Variants in SLC5A6 observed in about 807,000 individuals in gnomAD.
The protein encoded by SLC5A6 is solute carrier family 5 member 6.
Under a neutral mutation model 67.9 loss-of-function variants are expected in SLC5A6, and 31 were observed. That is an observed-to-expected ratio of 0.46 (90% CI 0.34 to 0.62). The LOEUF is 0.62. SLC5A6 is among the 20% of genes least tolerant of loss of function. The pLI, the probability that SLC5A6 is intolerant of heterozygous loss-of-function variation, is 0.01. For missense variants in SLC5A6, 673 were observed against 812.8 expected, an observed-to-expected ratio of 0.83 and a Z score of 2.09; for synonymous variants, 343 against 331.0, an observed-to-expected ratio of 1.04 and a Z score of -0.39.
At chr2:27,211,930 G>A (rs1674542402) in intron 1 of SLC5A6, 90 bp downstream of exon 1, 1 of 427,124 alleles carries the variant, frequency 2.3e-6, no homozygotes, top group Non-Finnish European at 4.1e-6. Context: ...GGTAGCCAGA[G>A]CCCGGCCGAG....
Position 27,204,492 on chromosome 2 carries a change from C to T in SLC5A6, c.974G>A (p.Ser325Asn), listed in dbSNP as rs149621534. Residue 325 changes from serine to asparagine, a missense_variant, in exon 9 of 17, where the codon AGC becomes AAC. Transcript: ENST00000310574. ...TGGGGCTGCCTGAGCCTGCTGAATG[C>T]TCATGGGATACTCCTGGTAATACGC... ...MFAYYQEYPM[S>N]IQQAQAAPDQ... 137 of 1,613,974 alleles carry T rather than the reference C, an allele frequency of 8.5e-5. 2 individuals are homozygous for T. In the Admixed American group the frequency reaches 1.3e-3, roughly 16 times the overall value.
At chr2:27,203,949 T>C (rs993683034) in intron 9 of SLC5A6, 82 bp from the exon 10 acceptor site, 6 of 1,009,672 alleles carry the variant, frequency 5.9e-6, no homozygotes, top group Non-Finnish European at 9.2e-6. Context: ...TCCCTTTACA[T>C]GTGCCCCAGC....
intron 11 of SLC5A6, 173 bp from the exon 12 acceptor site, chr2:27,203,053 G>C: frequency 1.3e-6 from 2 of 1,491,066 alleles, no homozygotes; most frequent in Non-Finnish European, 1.8e-6. Context: ...ATGTGACTCA[G>C]AGACCTCCCT....
At position 27,207,029 on chromosome 2, in the gene SLC5A6, G is replaced by C. The variant is rs961296278; in HGVS notation, c.394-87C>G. The C allele has an allele frequency of 1.6e-6, 2 of 1,240,644 alleles. No homozygotes were observed. The highest frequency in any genetic ancestry group is 2.4e-6 in the Non-Finnish European group (2 of 840,352). The allele number at this position is 1,240,644 out of a possible 1,614,324, so 76.9% of individuals were successfully genotyped here. A position where few individuals can be genotyped will look rare whatever the true frequency, so the allele number is the denominator to read the frequency against. On this transcript the variant is annotated intron_variant, in intron 3 of 16. Coordinates refer to ENST00000310574, the MANE Select transcript of SLC5A6 (RefSeq NM_021095.4). The surrounding 1 kb of genome is among the most constrained non-coding windows in gnomAD (Gnocchi z 5.5). ...CCCTCAAGATGCTCAGGAACATGAG[G>C]GAATATCCAACCCATACCCACTCTG...
At chr2:27,202,138 A>G in intron 12 of SLC5A6, 64 bp from the exon 13 acceptor site, 1 of 1,159,902 alleles carries the variant, frequency 8.6e-7, no homozygotes, top group Non-Finnish European at 1.3e-6. Context: ...CAGACTCACC[A>G]TAAAGCATAG....
In SLC5A6 at chr2:27,207,770, A is replaced by T. The variant is rs533382421; in HGVS notation, c.-120T>A. On this transcript the variant is annotated 5_prime_UTR_variant, in exon 3 of 17. Coordinates refer to ENST00000310574, the MANE Select transcript of SLC5A6 (RefSeq NM_021095.4). This position sits in a 1 kb window ranked among gnomAD's most constrained non-coding sequence, Gnocchi z 5.5. ...ACAGTCTCACAGTCTTCCTCCACGGAGTGATACTGTCCAGGGTGAGCTGCA... is the reference window on the plus strand; with the variant it reads ...ACAGTCTCACAGTCTTCCTCCACGGTGTGATACTGTCCAGGGTGAGCTGCA... 6.5e-6 allele frequency: 6 copies of T among 918,436 alleles called. No individual in the cohort carries two copies. In the South Asian group the frequency reaches 9.9e-5, roughly 15 times the overall value. The allele number at this position is 918,436 out of a possible 1,614,324, so 56.9% of individuals were successfully genotyped here.
At chr2:27,201,636 A>G in intron 14 of SLC5A6, 30 bp downstream of exon 14, 1 of 1,604,326 alleles carries the variant, frequency 6.2e-7, no homozygotes, top group East Asian at 2.2e-5. Flanking sequence ...GGGCTTTGAG[A>G]AAACAAGAAG....
Position 27,201,999 on chromosome 2 carries a change from C to T in SLC5A6, c.1351G>A (p.Ala451Thr). ...LFCLGMFFPCANPPGAVVGLL... is the reference protein window; with the variant it reads ...LFCLGMFFPCTNPPGAVVGLL... ...GATGCATCACTCACAGGAGGGTTAG[C>T]ACATGGAAAGAACATTCCAAGGCAG... The change falls in exon 13 of 17, where the codon GCT becomes ACT. Residue 451 changes from alanine to threonine, a missense_variant. By Grantham distance (58) the Ala-to-Thr change is moderately conservative (BLOSUM62 0). Coordinates refer to ENST00000310574, the MANE Select transcript of SLC5A6 (RefSeq NM_021095.4). 6.2e-7 allele frequency: 1 copy of T among 1,613,986 alleles called. No homozygotes were observed. Among genetic ancestry groups the T allele is most frequent in the African/African-American group, 1.3e-5 (1 of 75,034 alleles).
At chr2:27,210,663 CA>C (rs1307266388) in intron 2 of SLC5A6, among the ~76,000 whole-genome samples, 5 of 147,286 alleles carry the variant, frequency 3.4e-5, no homozygotes, top group African/African-American at 2.5e-5. Context: ...AGGCTGGTCT[CA>C]AAACTCCTGA....
At position 27,201,082 on chromosome 2, in the gene SLC5A6, T is replaced by G. The variant is rs1173083610; in HGVS notation, c.1680A>C (p.Ala560=). The change falls in exon 16 of 17, where the codon GCA becomes GCC. Residue 560 remains alanine (A), a synonymous_variant. Coordinates refer to ENST00000310574, the MANE Select transcript of SLC5A6 (RefSeq NM_021095.4). ...GRMRGRSLNP[A]TIYPVLPKLL... is the part of the protein sequence containing the mutation. ...GCTTTGGCAACACTGGGTAAATGGTTGCAGGGTTCAGGGACCGGCCTCGCA... is the reference window on the plus strand; with the variant it reads ...GCTTTGGCAACACTGGGTAAATGGTGGCAGGGTTCAGGGACCGGCCTCGCA... 1.2e-6 allele frequency: 2 copies of G among 1,613,758 alleles called. No individual in the cohort carries two copies. The highest frequency in any genetic ancestry group is 1.7e-6 in the Non-Finnish European group (2 of 1,179,856).
chr2:27,201,078 T>C lies in SLC5A6; in HGVS notation c.1684A>G (p.Ile562Val). 3.1e-6 allele frequency: 5 copies of C among 1,613,750 alleles called. No homozygotes were observed. Among genetic ancestry groups the C allele is most frequent in the Non-Finnish European group, 3.4e-6 (4 of 1,179,842 alleles). ...AGGAGCTTTGGCAACACTGGGTAAA[T>C]GGTTGCAGGGTTCAGGGACCGGCCT... ...MRGRSLNPAT[I>V]YPVLPKLLSL... The change falls in exon 16 of 17, where the codon ATT becomes GTT. Residue 562 changes from isoleucine to valine, a missense_variant. By Grantham distance (29) the Ile-to-Val change is conservative. Coordinates refer to ENST00000310574, the MANE Select transcript of SLC5A6 (RefSeq NM_021095.4).
Position 27,205,468 on chromosome 2 carries a change from G to A in SLC5A6, c.616C>T (p.Gln206Ter). The A allele has an allele frequency of 6.2e-7, 1 of 1,614,244 alleles. No individual in the cohort carries two copies. The highest frequency in any genetic ancestry group is 8.5e-7 in the Non-Finnish European group (1 of 1,180,050). The change falls in exon 7 of 17, where the codon CAG (glutamine) becomes TAG (stop). Residue 206 changes from glutamine (Q) to a stop codon, truncating the protein, a stop_gained. Transcript: ENST00000310574. LOFTEE classifies it high-confidence loss of function. ...TGCCCGAGGAACATGACCAGTGTCT[G>A]GAACACATCTGTCCAGATGACGGCC... is the stretch of plus-strand genomic sequence containing the variant. ...LKAVIWTDVF[Q>*]TLVMFLGQLA...
At chr2:27,201,582 G>T in intron 14 of SLC5A6, 84 bp downstream of exon 14, 1 of 1,442,736 alleles carries the variant, frequency 6.9e-7, no homozygotes, top group Non-Finnish European at 9.6e-7. Flanking sequence ...GGGGCCTCTG[G>T]TGGCCCATCC....
rs760835085 is a variant in SLC5A6, at chr2:27,201,676, T to C, written c.1534A>G (p.Thr512Ala). ...CAAGCCCTGCCTTACTTGGAGAAGG[T>C]AGTCAAGGGCATCAGTGTGGTCACA... ...ATVTTLMPLTTFSKPTGLQRF... is the reference protein window; with the variant it reads ...ATVTTLMPLTAFSKPTGLQRF... The change falls in exon 14 of 17, where the codon ACC (threonine) becomes GCC (alanine). Residue 512 changes from threonine (T) to alanine (A), a missense_variant. Thr to Ala is a moderately conservative substitution (Grantham distance 58). Coordinates refer to ENST00000310574, the MANE Select transcript of SLC5A6 (RefSeq NM_021095.4). 5 of 1,613,642 alleles carry C rather than the reference T, an allele frequency of 3.1e-6. No individual in the cohort carries two copies. The African/African-American group carries it at 5.3e-5, about 17-fold the overall frequency.
At chr2:27,202,658 G>C (rs1055442981) in intron 12 of SLC5A6, among the ~76,000 whole-genome samples, 155 bp downstream of exon 12, 86 of 152,190 alleles carry the variant, frequency 5.7e-4, no homozygotes, top group African/African-American at 1.9e-3. Context: ...CTGGCTGCTT[G>C]CAAGTCTGTT....
intron 6 of SLC5A6, 116 bp from the exon 7 acceptor site, chr2:27,205,620 GC>G: frequency 4.8e-6 from 6 of 1,247,442 alleles, no homozygotes; most frequent in Non-Finnish European, 6.9e-6. Context: ...TAGGCTTTTT[GC>G]AGCCTGAAGC....
chr2:27,206,009 C>A lies in SLC5A6; in HGVS notation c.579+17G>T, dbSNP rs1275527. The A allele has an allele frequency of 1.9e-6, 3 of 1,601,248 alleles. No homozygotes were observed. The highest frequency in any genetic ancestry group is 2.6e-6 in the Non-Finnish European group (3 of 1,168,616). On this transcript the variant is annotated intron_variant, in intron 6 of 16. Transcript: ENST00000310574. ...TTCATCCCTTCCCCTCCCCACACCA[C>A]GGCTTACTGCACTTACCAGAGCTGT...
At chr2:27,206,446 A>G (rs1674071260) in intron 5 of SLC5A6, 37 bp downstream of exon 5, 1 of 1,605,058 alleles carries the variant, frequency 6.2e-7, no homozygotes. Flanking sequence ...TTCCTAACCT[A>G]CCACGGCTGA....
chr2:27,211,738 C>T (rs1008930661), intron 1 of SLC5A6: 3 of 166,278 alleles, frequency 1.8e-5, no homozygotes, highest in Admixed American at 6.5e-5. Flanking sequence ...TTCCCGCTTC[C>T]CTCTACGCGG....
Sources: gnomAD v4.1 joint callset for allele counts (sites outside exome capture counted in the v4.1 genomes callset) on GRCh38, gnomAD v4.1.1 for gene constraint, Gnocchi (gnomAD v3.1) non-coding constraint, MANE v1.5 for transcripts, NCBI Gene and HGNC (gene_info 2026-07-23, HGNC 2026-07-21) for gene names.